SLC13A1: variants seen among roughly 807,000 people sequenced by gnomAD.
SLC13A1 encodes the protein solute carrier family 13 member 1, also known as Na(+)/sulfate cotransporter.
A neutral mutation model predicts 70.0 loss-of-function variants in SLC13A1; 65 were observed. The observed-to-expected ratio is 0.93, with a 90% confidence interval of 0.76 to 1.14. The LOEUF is 1.14. SLC13A1 is among the 50% of genes most tolerant of loss of function. The pLI, the probability that SLC13A1 is intolerant of heterozygous loss-of-function variation, is 0.00. For synonymous variants in SLC13A1, 275 were observed against 250.5 expected (o/e 1.10, Z -0.92); for missense variants, 726 against 717.8 (o/e 1.01, Z -0.13).
intron 7 of SLC13A1, among the ~76,000 whole-genome samples, chr7:123,144,425 AT>A (rs574768836): frequency 3.2e-4 from 48 of 152,172 alleles, no homozygotes; most frequent in Non-Finnish European, 6.2e-4. Context: ...TTTATCAAAA[AT>A]CCTGTGAAAA....
At chr7:123,149,222 C>G (rs1216075129) in intron 6 of SLC13A1, among the ~76,000 whole-genome samples, 1 of 152,130 alleles carries the variant, frequency 6.6e-6, no homozygotes, top group Non-Finnish European at 1.5e-5. Flanking sequence ...ACATGACACT[C>G]CTCCCACATG....
intron 10 of SLC13A1, 64 bp downstream of exon 10, chr7:123,128,781 C>A: frequency 1.0e-6 from 1 of 991,448 alleles, no homozygotes; most frequent in Admixed American, 2.1e-5. Context: ...ATTACAGGAA[C>A]CACACAGGAG....
intron 6 of SLC13A1, among the ~76,000 whole-genome samples, chr7:123,154,240 T>C (rs1342724212): frequency 6.6e-6 from 1 of 152,160 alleles, no homozygotes; most frequent in Non-Finnish European, 1.5e-5. Context: ...TTCCATTTCA[T>C]ACTGCTTTTA....
At chr7:123,194,678 G>A (rs1381389549) in intron 1 of SLC13A1, among the ~76,000 whole-genome samples, 3 of 152,008 alleles carry the variant, frequency 2.0e-5, no homozygotes, top group African/African-American at 4.8e-5. Context: ...AGGAGAAGAT[G>A]AGGTTGAGAG....
intron 8 of SLC13A1, among the ~76,000 whole-genome samples, chr7:123,133,014 G>T (rs996365026): frequency 6.6e-6 from 1 of 152,108 alleles, no homozygotes; most frequent in Non-Finnish European, 1.5e-5. Context: ...CATTTTAGTG[G>T]CATCAGTCGG....
Position 123,168,544 on chromosome 7 carries a change from C to G in SLC13A1, c.571G>C (p.Glu191Gln), listed in dbSNP as rs1795148241. The change falls in exon 5 of 15, where the codon GAA becomes CAA. Residue 191 changes from glutamate (E) to glutamine (Q), a missense_variant. Transcript: ENST00000194130. ...LEIDESVNGH[E>Q]INERKEKTKP... ...GTTTTCTCTTTCCTCTCATTTATTT[C>G]ATGTCCATTAACACTTTCTGCAAAA... 1 of 1,608,872 alleles carries G rather than the reference C, an allele frequency of 6.2e-7. No individual in the cohort carries two copies. The highest frequency in any genetic ancestry group is 8.5e-7 in the Non-Finnish European group (1 of 1,176,504).
chr7:123,117,211 G>A (rs1027369725), intron 14 of SLC13A1, among the ~76,000 whole-genome samples: 1 of 152,094 alleles, frequency 6.6e-6, no homozygotes, highest in South Asian at 2.1e-4. Flanking sequence ...CATGTTCAGT[G>A]CTCTTTTCCT....
intron 8 of SLC13A1, among the ~76,000 whole-genome samples, chr7:123,131,500 A>G (rs1029752918): frequency 6.6e-6 from 1 of 152,210 alleles, no homozygotes; most frequent in African/African-American, 2.4e-5. Flanking sequence ...GACAAAGCCT[A>G]TGACAATGCA....
chr7:123,147,120 G>C (rs1459567267), intron 7 of SLC13A1, 39 bp downstream of exon 7: 1 of 1,593,914 alleles, frequency 6.3e-7, no homozygotes, highest in Non-Finnish European at 8.6e-7. Flanking sequence ...TTTTTGTGCT[G>C]CCCTTATGTT....
rs747026286 is a variant in SLC13A1 at position 123,199,925 on chromosome 7, G to GAAATCGGCGATA, written c.21_22insTATCGCCGATTT (p.Ile7_Leu8insTyrArgArgPhe). On this transcript the variant is annotated inframe_insertion, in exon 1 of 15. Coordinates refer to ENST00000194130, the MANE Select transcript of SLC13A1 (RefSeq NM_022444.4). The stretch of plus-strand genomic sequence containing the variant: ...ACGAAGAGAAATCGGCGATAAACCA[G>GAAATCGGCGATA]AATGTAACTGAAGAATTTCATTGTC... The GAAATCGGCGATA allele has an allele frequency of 6.2e-7, 1 of 1,612,794 alleles. No individual in the cohort carries two copies. The highest frequency in any genetic ancestry group is 8.5e-7 in the Non-Finnish European group (1 of 1,179,168).
rs76095443 is a variant in SLC13A1, at chr7:123,174,842, C to T, written c.229-2938G>A. Among the ~76,000 whole-genome samples the T allele has an allele frequency of 7.1e-3, 1,080 of 152,066 alleles. 16 individuals are homozygous for T. Among genetic ancestry groups the T allele is most frequent in the African/African-American group, 0.025 (1,031 of 41,500 alleles). On this transcript the variant is annotated intron_variant, in intron 2 of 14. Coordinates refer to ENST00000194130, the MANE Select transcript of SLC13A1 (RefSeq NM_022444.4). ...ATTTAGTTCCCCAAACACAGAAGTG[C>T]TTTAACACTTGCTTGCAATTTAACC...
intron 6 of SLC13A1, among the ~76,000 whole-genome samples, chr7:123,156,234 T>C (rs781014435): frequency 6.6e-6 from 1 of 152,174 alleles, no homozygotes; most frequent in East Asian, 1.9e-4. Flanking sequence ...ATGATTTTGC[T>C]GTCATGTCTT....
intron 6 of SLC13A1, among the ~76,000 whole-genome samples, chr7:123,158,000 T>C (rs1478009356): frequency 5.3e-5 from 8 of 152,082 alleles, no homozygotes; most frequent in African/African-American, 1.9e-4. Flanking sequence ...ATTTATGTTA[T>C]GTGTGTGTTA....
rs1793082739 is a variant in SLC13A1, at chr7:123,113,828, A to C, written c.*1690T>G. 1 of 152,190 alleles carries C rather than the reference A, an allele frequency of 6.6e-6. No homozygotes were observed. The highest frequency in any genetic ancestry group is 6.5e-5 in the Admixed American group (1 of 15,282). 9.4% of individuals were successfully genotyped at this position (152,190 alleles called of 1,614,324 possible). ...CATAGATAAATAATGAACATGGCCA[A>C]TTAATAATTCGTATGTTAAATATTA... On this transcript the variant is annotated 3_prime_UTR_variant, in exon 15 of 15. Coordinates refer to ENST00000194130, the MANE Select transcript of SLC13A1 (RefSeq NM_022444.4).
rs766866742 is a variant in SLC13A1 at position 123,172,583 on chromosome 7, T to C, written c.229-679A>G. 2.0e-5 allele frequency among the ~76,000 whole-genome samples: 3 copies of C among 152,316 alleles called. No homozygotes were observed. The South Asian group carries it at 6.2e-4, about 32-fold the overall frequency. ...TTGCAGTGAGCCGAGATCGTGCCAT[T>C]GCACTCTAGCCTGGGCGACAGAGTG... On this transcript the variant is annotated intron_variant, in intron 2 of 14. Transcript: ENST00000194130.
At chr7:123,171,673 A>G in intron 3 of SLC13A1, 95 bp downstream of exon 3, 1 of 1,258,106 alleles carries the variant, frequency 7.9e-7, no homozygotes, top group Non-Finnish European at 1.1e-6. Context: ...TGATACAAAG[A>G]ATTTCCTGGG....
intron 1 of SLC13A1, among the ~76,000 whole-genome samples, chr7:123,183,356 T>C (rs1264719447): frequency 6.6e-6 from 1 of 152,176 alleles, no homozygotes; most frequent in Non-Finnish European, 1.5e-5. Context: ...TTGGTAACAC[T>C]GGGATCATAT....
chr7:123,127,825 AC>A (rs1352858472), intron 10 of SLC13A1, among the ~76,000 whole-genome samples: 1 of 129,134 alleles, frequency 7.7e-6, no homozygotes, highest in African/African-American at 3.0e-5. Flanking sequence ...TTTGGTTTCT[AC>A]CCCAAAATAC....
chr7:123,145,864 C>T (rs12666250), intron 7 of SLC13A1, among the ~76,000 whole-genome samples: 34,738 of 151,940 alleles, frequency 0.23, 4,703 homozygotes, highest in East Asian at 0.34. Flanking sequence ...TTAGAGAATC[C>T]GTGCATGCAC....
Sources: gnomAD v4.1 joint callset for allele counts (sites outside exome capture counted in the v4.1 genomes callset) on GRCh38, gnomAD v4.1.1 for gene constraint, MANE v1.5 for transcripts, NCBI Gene and HGNC (gene_info 2026-07-23, HGNC 2026-07-21) for gene names.